Variants in KCNU1 observed in about 807,000 individuals in gnomAD.
KCNU1 encodes the protein potassium channel subfamily U member 1.
KCNU1 carries 93 observed loss-of-function variants against 126.8 expected under a neutral mutation model. The observed-to-expected ratio is 0.73, with a 90% CI of 0.62 to 0.87. KCNU1 has a LOEUF of 0.87. KCNU1 is among the 40% of genes least tolerant of loss of function. The pLI is 0.00. For synonymous variants in KCNU1, 523 were observed against 494.2 expected (o/e 1.06, Z -0.77); for missense variants, 1,330 against 1,367.1 (o/e 0.97, Z 0.43).
rs1389003934 is a variant in KCNU1 at position 36,811,215 on chromosome 8, G to A, written c.732+2422G>A. 5.9e-5 allele frequency among the ~76,000 whole-genome samples: 9 copies of A among 152,084 alleles called. No homozygotes were observed. In the South Asian group the frequency reaches 1.7e-3, roughly 28 times the overall value. On this transcript the variant is annotated intron_variant, in intron 7 of 26. Transcript: ENST00000399881. ...TATCATTAGGGTATTACAGAAAATAGCACAATAAATGGCACCAGAAAGATG... is the reference window on the plus strand; with the variant it reads ...TATCATTAGGGTATTACAGAAAATAACACAATAAATGGCACCAGAAAGATG...
intron 19 of KCNU1, among the ~76,000 whole-genome samples, chr8:36,898,379 G>A (rs530227219): frequency 2.6e-5 from 4 of 151,912 alleles, no homozygotes; most frequent in Non-Finnish European, 2.9e-5. Context: ...TCCTTTTGGG[G>A]GTTATTAATG....
At chr8:36,889,256 G>A (rs774271395) in intron 19 of KCNU1, 4 of 534,042 alleles carry the variant, frequency 7.5e-6, no homozygotes, top group Admixed American at 3.9e-5. Flanking sequence ...AGGATGGTCA[G>A]TATGACCCCA....
intron 14 of KCNU1, 117 bp downstream of exon 14, chr8:36,837,062 T>C: frequency 2.2e-6 from 2 of 906,170 alleles, no homozygotes; most frequent in Non-Finnish European, 3.4e-6. Flanking sequence ...GAGATATGAC[T>C]TCTGCTTGAG....
intron 19 of KCNU1, among the ~76,000 whole-genome samples, chr8:36,879,685 G>T (rs1806403726): frequency 6.6e-6 from 1 of 152,052 alleles, no homozygotes; most frequent in African/African-American, 2.4e-5. Flanking sequence ...GTGATCTGTA[G>T]GAATAAGAAA....
chr8:36,886,651 T>C (rs1262149436), intron 19 of KCNU1, among the ~76,000 whole-genome samples: 2 of 151,608 alleles, frequency 1.3e-5, no homozygotes, highest in Non-Finnish European at 2.9e-5. Context: ...AGACTTAATA[T>C]TTTTTTAATG....
At chr8:36,857,465 T>C (rs1004980696) in intron 18 of KCNU1, among the ~76,000 whole-genome samples, 13 of 152,184 alleles carry the variant, frequency 8.5e-5, no homozygotes, top group African/African-American at 2.9e-4. Flanking sequence ...AGCACACCTG[T>C]CCAGAATGAA....
intron 19 of KCNU1, among the ~76,000 whole-genome samples, chr8:36,885,677 C>T (rs778467213): frequency 7.9e-5 from 12 of 151,728 alleles, no homozygotes; most frequent in Non-Finnish European, 1.6e-4. Context: ...CTTGTAATCC[C>T]AGCTATTCTG....
At chr8:36,815,879 C>T (rs1174146118) in intron 9 of KCNU1, among the ~76,000 whole-genome samples, 192 bp downstream of exon 9, 1 of 152,144 alleles carries the variant, frequency 6.6e-6, no homozygotes, top group Non-Finnish European at 1.5e-5. Context: ...TTGACCCAAA[C>T]CACTACATAG....
At chr8:36,879,535 A>T (rs920913640) in intron 19 of KCNU1, among the ~76,000 whole-genome samples, 1 of 152,054 alleles carries the variant, frequency 6.6e-6, no homozygotes, top group African/African-American at 2.4e-5. Flanking sequence ...GAATTTATTA[A>T]TGAGAAAGCT....
chr8:36,818,053 C>T (rs988451896), intron 10 of KCNU1, among the ~76,000 whole-genome samples: 1 of 151,992 alleles, frequency 6.6e-6, no homozygotes, highest in Non-Finnish European at 1.5e-5. Flanking sequence ...TATGCAAAAG[C>T]CTGGTGCACT....
chr8:36,910,904 C>A, intron 21 of KCNU1, 26 bp from the exon 22 acceptor site: 13 of 1,348,474 alleles, frequency 9.6e-6, no homozygotes, highest in Admixed American at 7.4e-5. Context: ...CCGACCAGTG[C>A]CTCCTCTCTC....
Position 36,932,925 on chromosome 8 carries a change from A to C in KCNU1, c.2937A>C (p.Arg979Ser), listed in dbSNP as rs754705519. 2.8e-5 allele frequency: 44 copies of C among 1,559,742 alleles called. No individual in the cohort carries two copies. The highest frequency in any genetic ancestry group is 3.8e-5 in the Non-Finnish European group (44 of 1,147,950). The part of the protein sequence containing the change: ...HETILSDVNP[R>S]NTFGQLFCGS... ...TTTGTCTCTTCTCTCCCCAGCCAAG[A>C]AACACCTTTGGACAACTGTTCTGTG... is the stretch of plus-strand genomic sequence containing the variant. Residue 979 changes from arginine to serine, a missense_variant, in exon 26 of 27, where the codon AGA (arginine) becomes AGC (serine). Arg to Ser is a moderately radical substitution (Grantham distance 110, BLOSUM62 -1). Around this residue, in one of 3 missense-constraint regions of KCNU1, gnomAD observed 1,054 missense variants for 1,053.9 expected, o/e 1.00. Transcript: ENST00000399881.
chr8:36,808,176 G>A (rs1021056312), intron 6 of KCNU1, among the ~76,000 whole-genome samples: 1 of 152,078 alleles, frequency 6.6e-6, no homozygotes, highest in Non-Finnish European at 1.5e-5. Context: ...TCTCAGCTAA[G>A]CTCTAGGGCT....
chr8:36,928,291 T>C (rs1263038664), intron 24 of KCNU1, among the ~76,000 whole-genome samples: 1 of 152,158 alleles, frequency 6.6e-6, no homozygotes, highest in East Asian at 1.9e-4. Flanking sequence ...AGGATAACCC[T>C]AGAATTTACA....
chr8:36,827,851 G>C (rs1286638714), intron 10 of KCNU1, among the ~76,000 whole-genome samples: 1 of 152,050 alleles, frequency 6.6e-6, no homozygotes, highest in Non-Finnish European at 1.5e-5. Context: ...GAAAATAAAG[G>C]TGTATTGAGC....
At chr8:36,824,363 G>A (rs78512509) in intron 10 of KCNU1, among the ~76,000 whole-genome samples, 1,718 of 152,212 alleles carry the variant, frequency 0.011, 43 homozygotes, top group African/African-American at 0.039. Flanking sequence ...CTGCTTACAC[G>A]TACATTTTAT....
chr8:36,903,570 T>C (rs1004122335), intron 19 of KCNU1, among the ~76,000 whole-genome samples: 5 of 152,152 alleles, frequency 3.3e-5, no homozygotes, highest in Non-Finnish European at 7.4e-5. Context: ...AAAGCTTTTG[T>C]GGTCAGATAA....
At chr8:36,932,489 A>T (rs1808731859) in intron 25 of KCNU1, among the ~76,000 whole-genome samples, 1 of 152,112 alleles carries the variant, frequency 6.6e-6, no homozygotes, top group Non-Finnish European at 1.5e-5. Context: ...TAGCCCGAGA[A>T]TAAGGTCCAG....
chr8:36,921,578 C>T (rs1808347329), intron 23 of KCNU1, among the ~76,000 whole-genome samples: 1 of 146,858 alleles, frequency 6.8e-6, no homozygotes, highest in Non-Finnish European at 1.5e-5. Flanking sequence ...ACTTGGGAGG[C>T]TGAGGCATGA....
Sources: allele counts gnomAD v4.1 joint callset (sites outside exome capture counted in the v4.1 genomes callset), GRCh38; gene constraint gnomAD v4.1.1; regional missense constraint gnomAD v4.1.1; transcripts MANE v1.5; gene names NCBI Gene and HGNC (gene_info 2026-07-23, HGNC 2026-07-21).